Variants in CD44 observed in about 807,000 individuals in gnomAD.
CD44 encodes CD44 antigen.
CD44 carries 49 observed loss-of-function variants against 88.8 expected under a neutral mutation model. That is an observed-to-expected ratio of 0.55 (90% confidence interval 0.44 to 0.70). CD44 has a LOEUF of 0.70. Ranked by LOEUF, CD44 falls within the 30% of genes least tolerant of loss-of-function variation. The pLI is 0.00. For synonymous variants in CD44, 325 were observed against 312.3 expected, an observed-to-expected ratio of 1.04 and a Z score of -0.43; for missense variants, 883 against 913.8, an observed-to-expected ratio of 0.97 and a Z score of 0.43.
At chr11:35,193,608 C>T (rs945250509) in intron 5 of CD44, among the ~76,000 whole-genome samples, 2 of 152,312 alleles carry the variant, frequency 1.3e-5, no homozygotes, top group African/African-American at 4.8e-5. Flanking sequence ...TTTAAAATCT[C>T]AGCTGGCTTA....
intron 1 of CD44, among the ~76,000 whole-genome samples, chr11:35,139,872 C>T (rs984249309): frequency 6.6e-6 from 1 of 152,208 alleles, no homozygotes; most frequent in African/African-American, 2.4e-5. Context: ...ATGGGTTTTC[C>T]AGAAAGGGGT....
chr11:35,151,971 T>A (rs1266345265), intron 1 of CD44, among the ~76,000 whole-genome samples: 1 of 152,226 alleles, frequency 6.6e-6, no homozygotes, highest in East Asian at 1.9e-4. Context: ...CCCATCAGTT[T>A]CTTCAACTGC....
intron 1 of CD44, among the ~76,000 whole-genome samples, chr11:35,165,797 G>C (rs1041745905): frequency 6.6e-6 from 1 of 152,084 alleles, no homozygotes; most frequent in Non-Finnish European, 1.5e-5. Context: ...GTTTAGGCTA[G>C]AACCAGTGCA....
intron 15 of CD44, chr11:35,219,016 G>A (rs530510398): frequency 8.1e-5 from 28 of 345,072 alleles, no homozygotes; most frequent in East Asian, 4.2e-4. Flanking sequence ...AAGGGACAGC[G>A]GTGAGACTTA....
chr11:35,226,667 A>C (rs1949709434), intron 17 of CD44, among the ~76,000 whole-genome samples: 1 of 152,134 alleles, frequency 6.6e-6, no homozygotes. Context: ...CTTACCCCTC[A>C]TAAGAGCAAG....
chr11:35,190,142 A>G lies in CD44; in HGVS notation c.667+77A>G, dbSNP rs1254174703. 4 of 1,234,250 alleles carry G rather than the reference A, an allele frequency of 3.2e-6. No individual in the cohort carries two copies. The East Asian group carries it at 9.4e-5, about 29-fold the overall frequency. The allele number at this position is 1,234,250 out of a possible 1,614,324, so 76.5% of individuals were successfully genotyped here. A position where few individuals can be genotyped will look rare whatever the true frequency, so the allele number is the denominator to read the frequency against. On this transcript the variant is annotated intron_variant, in intron 5 of 17. Transcript: ENST00000428726. ...TCTCTGACCTTCCTGAGCATTGCAC[A>G]CTCACGTGCTGATTTTCTCGTCTCT...
intron 1 of CD44, among the ~76,000 whole-genome samples, chr11:35,148,941 A>G (rs548486721): frequency 1.3e-5 from 2 of 152,180 alleles, no homozygotes; most frequent in Non-Finnish European, 2.9e-5. Context: ...AGCGATCCTC[A>G]ACCCGCCTCC....
chr11:35,207,828 T>C (rs547874191), intron 11 of CD44, among the ~76,000 whole-genome samples: 12 of 152,332 alleles, frequency 7.9e-5, no homozygotes, highest in African/African-American at 2.9e-4. Flanking sequence ...GATTTGGGTG[T>C]TCCATCATGC....
intron 1 of CD44, among the ~76,000 whole-genome samples, chr11:35,157,920 T>C (rs1942111099): frequency 6.6e-6 from 1 of 152,184 alleles, no homozygotes; most frequent in African/African-American, 2.4e-5. Context: ...GGCTCCCCTC[T>C]GGGACGTGTT....
chr11:35,150,685 G>A (rs963589346), intron 1 of CD44, among the ~76,000 whole-genome samples: 3 of 152,174 alleles, frequency 2.0e-5, no homozygotes, highest in African/African-American at 7.2e-5. Flanking sequence ...CCTGTGCAAT[G>A]CCCTCAGTTA....
chr11:35,139,595 G>A (rs766974497), intron 1 of CD44: 2 of 757,158 alleles, frequency 2.6e-6, no homozygotes, highest in Non-Finnish European at 4.8e-6. Context: ...AGAGAAGAAA[G>A]TTTGTTGGGC....
At chr11:35,224,964 G>A (rs1348725062) in intron 17 of CD44, among the ~76,000 whole-genome samples, 1 of 152,074 alleles carries the variant, frequency 6.6e-6, no homozygotes, top group Non-Finnish European at 1.5e-5. Flanking sequence ...CTTCTCTTAT[G>A]CTACAGTCTA....
At chr11:35,206,671 G>C (rs1320733753) in intron 11 of CD44, among the ~76,000 whole-genome samples, 4 of 145,112 alleles carry the variant, frequency 2.8e-5, no homozygotes, top group Admixed American at 6.7e-5. Context: ...GGGGTTGGTG[G>C]GGGGGGCAGT....
chr11:35,159,526 G>A (rs1356980037), intron 1 of CD44, among the ~76,000 whole-genome samples: 1 of 152,054 alleles, frequency 6.6e-6, no homozygotes, highest in East Asian at 1.9e-4. Context: ...GGAAGACTGG[G>A]GCCAGTCATC....
chr11:35,169,698 A>G (rs1415614265), intron 1 of CD44, among the ~76,000 whole-genome samples: 2 of 152,228 alleles, frequency 1.3e-5, no homozygotes, highest in African/African-American at 4.8e-5. Context: ...TATTCCTCGC[A>G]GGCCCTACAA....
At chr11:35,220,043 G>A (rs1243895600) in intron 16 of CD44, among the ~76,000 whole-genome samples, 2 of 152,200 alleles carry the variant, frequency 1.3e-5, no homozygotes, top group Non-Finnish European at 2.9e-5. Context: ...AATTACTAAA[G>A]GGAAGGGTTC....
rs1950007918 is a variant in CD44 at position 35,230,481 on chromosome 11, T to A, written c.*1148T>A. The A allele has an allele frequency of 6.6e-6, 1 of 152,198 alleles. No individual in the cohort carries two copies. The highest frequency in any genetic ancestry group is 1.5e-5 in the Non-Finnish European group (1 of 68,028). 9.4% of individuals were successfully genotyped at this position (152,198 alleles called of 1,614,324 possible). On this transcript the variant is annotated 3_prime_UTR_variant, in exon 18 of 18. Transcript: ENST00000428726. Reference sequence around the variant, plus strand: ...CAATAAGAGAAGAAGCCAATGGAAATGAAAGAGATTGGCAAAGGGGAAGGA... The same window carrying A: ...CAATAAGAGAAGAAGCCAATGGAAAAGAAAGAGATTGGCAAAGGGGAAGGA...
chr11:35,178,512 A>G (rs1269087810), intron 2 of CD44, among the ~76,000 whole-genome samples: 2 of 152,210 alleles, frequency 1.3e-5, no homozygotes, highest in Non-Finnish European at 2.9e-5. Flanking sequence ...TTTAATGACC[A>G]AGTCCTCCTC....
At chr11:35,219,857 C>G (rs1949145313) in intron 16 of CD44, among the ~76,000 whole-genome samples, 1 of 147,826 alleles carries the variant, frequency 6.8e-6, no homozygotes, top group South Asian at 2.2e-4. Context: ...TTTTGGTTCC[C>G]CAACTAATTT....
Sources: allele counts gnomAD v4.1 joint callset (sites outside exome capture counted in the v4.1 genomes callset), GRCh38; gene constraint gnomAD v4.1.1; transcripts MANE v1.5; gene names NCBI Gene and HGNC (gene_info 2026-07-23, HGNC 2026-07-21).